SLC28A1: variants seen among roughly 807,000 people sequenced by gnomAD.
SLC28A1 encodes sodium/nucleoside cotransporter 1.
SLC28A1 carries 64 observed loss-of-function variants against 74.8 expected under a neutral mutation model. The observed-to-expected ratio is 0.86, with a 90% CI of 0.70 to 1.05. The LOEUF is 1.05. Ranked by LOEUF, SLC28A1 falls within the 50% of genes least tolerant of loss-of-function variation. SLC28A1 has a pLI of 0.00. For missense variants in SLC28A1, 828 were observed against 822.8 expected, an observed-to-expected ratio of 1.01 and a Z score of -0.08; for synonymous variants, 359 against 335.0, an observed-to-expected ratio of 1.07 and a Z score of -0.78.
intron 6 of SLC28A1, among the ~76,000 whole-genome samples, chr15:84,900,151 T>TA (rs1966503870): frequency 6.6e-6 from 1 of 151,680 alleles, no homozygotes; most frequent in Non-Finnish European, 1.5e-5. Context: ...ACCCTGTCTC[T>TA]AATAAAAATA....
chr15:84,948,693 C>T (rs2079314235), downstream of SLC28A1, among the ~76,000 whole-genome samples: 1 of 152,144 alleles, frequency 6.6e-6, no homozygotes, highest in African/African-American at 2.4e-5. Context: ...CTAACCTAAA[C>T]TAATTGAGAA....
At chr15:84,913,253 G>C (rs967173407) in intron 9 of SLC28A1, among the ~76,000 whole-genome samples, 4 of 152,200 alleles carry the variant, frequency 2.6e-5, no homozygotes, top group African/African-American at 9.7e-5. Flanking sequence ...ACTGTGGCCT[G>C]GGGCTGGTGA....
the SLC28A1 span, among the ~76,000 whole-genome samples, chr15:84,962,182 C>T: frequency 2.0e-5 from 3 of 151,988 alleles, no homozygotes; most frequent in Admixed American, 6.6e-5. Flanking sequence ...TCAGGTGATC[C>T]TCCCGCCTAA....
the SLC28A1 span, among the ~76,000 whole-genome samples, chr15:84,975,182 T>C: frequency 2.6e-5 from 4 of 152,234 alleles, no homozygotes; most frequent in Non-Finnish European, 2.9e-5. Context: ...TGATTTTTGT[T>C]ATTTTATTTC....
At chr15:84,895,436 A>C in intron 6 of SLC28A1, 1 of 1,613,850 alleles carries the variant, frequency 6.2e-7, no homozygotes, top group South Asian at 1.1e-5. Context: ...GATCACCTGG[A>C]CAGTGTGAGA....
Position 84,891,059 on chromosome 15 carries a change from G to T in SLC28A1, c.277+525G>T, listed in dbSNP as rs147370368. Among the ~76,000 whole-genome samples the T allele has an allele frequency of 3.2e-3, 492 of 152,314 alleles. 5 individuals carry two copies. The highest frequency in any genetic ancestry group is 0.011 in the African/African-American group (462 of 41,552). On this transcript the variant is annotated intron_variant, in intron 5 of 18. Transcript: ENST00000394573. ...GAGATAGGAAAGGGCCCAGGATGGG[G>T]AGTGGGTAGGGATATGGGAGGATGC...
chr15:84,892,082 A>G (rs1965430885), intron 5 of SLC28A1, among the ~76,000 whole-genome samples: 1 of 152,050 alleles, frequency 6.6e-6, no homozygotes, highest in South Asian at 2.1e-4. Context: ...CATGCCTGTA[A>G]TCCCAGCACT....
intron 3 of SLC28A1, among the ~76,000 whole-genome samples, chr15:84,888,329 A>G (rs1479114499): frequency 1.3e-5 from 2 of 151,992 alleles, no homozygotes; most frequent in East Asian, 3.9e-4. Context: ...TCCTCTGACA[A>G]AGCCCCCTCC....
At chr15:84,890,873 A>C in intron 5 of SLC28A1, among the ~76,000 whole-genome samples, 1 of 152,154 alleles carries the variant, frequency 6.6e-6, no homozygotes, top group East Asian at 1.9e-4. Context: ...AGCCAGGTGG[A>C]GGTGATAGAT....
chr15:84,918,920 A>C (rs1200003048), intron 10 of SLC28A1, among the ~76,000 whole-genome samples: 7 of 56,618 alleles, frequency 1.2e-4, no homozygotes, highest in Non-Finnish European at 2.4e-4. Context: ...TGGCTCTTAG[A>C]GTTCACACCT....
At chr15:84,900,046 G>C (rs923679329) in intron 6 of SLC28A1, among the ~76,000 whole-genome samples, 12 of 152,068 alleles carry the variant, frequency 7.9e-5, no homozygotes, top group Non-Finnish European at 1.8e-4. Context: ...GCCAGGTGTG[G>C]TAGCTCGTGT....
chr15:84,894,844 C>A lies in SLC28A1; in HGVS notation c.278-96C>A, dbSNP rs1220279573. On this transcript the variant is annotated intron_variant, in intron 5 of 18. Transcript: ENST00000394573. Reference sequence around the variant, plus strand: ...TTGGGTGACTTTCCTGCCCTCCACGCTCTGGGTGGAGTAAGGTGGAGTCCG... The same window carrying A: ...TTGGGTGACTTTCCTGCCCTCCACGATCTGGGTGGAGTAAGGTGGAGTCCG... 22 of 1,245,664 alleles carry A rather than the reference C, an allele frequency of 1.8e-5. No homozygotes were observed. In the Admixed American group the frequency reaches 3.2e-4, roughly 18 times the overall value. The allele number at this position is 1,245,664 out of a possible 1,614,324, so 77.2% of individuals were successfully genotyped here.
chr15:84,898,478 C>G (rs1013083798), intron 6 of SLC28A1, among the ~76,000 whole-genome samples: 1 of 151,374 alleles, frequency 6.6e-6, no homozygotes, highest in Admixed American at 6.6e-5. Context: ...ACTCAGGAAG[C>G]TGAGGCAGGA....
At position 84,935,496 on chromosome 15, in the gene SLC28A1, G is replaced by A. The variant is rs1971774795; in HGVS notation, c.1559G>A (p.Gly520Asp). 5 of 1,613,722 alleles carry A rather than the reference G, an allele frequency of 3.1e-6. No homozygotes were observed. The highest frequency in any genetic ancestry group is 4.2e-6 in the Non-Finnish European group (5 of 1,179,982). Residue 520 changes from glycine to aspartate, a missense_variant, in exon 15 of 19, where the codon GGC (glycine) becomes GAC (aspartate). Physicochemically the swap from Gly to Asp is moderately conservative, Grantham distance 94. Coordinates refer to ENST00000394573, the MANE Select transcript of SLC28A1 (RefSeq NM_004213.5). ...RRLAGAEEWV[G>D]DRKQWISVRA... ...CTGGCAGGGGCCGAGGAGTGGGTCGGCGACAGGAAGCAGTGGATCTCCGTG... is the reference window on the plus strand; with the variant it reads ...CTGGCAGGGGCCGAGGAGTGGGTCGACGACAGGAAGCAGTGGATCTCCGTG...
At chr15:84,895,676 C>G in intron 6 of SLC28A1, 1 of 1,409,796 alleles carries the variant, frequency 7.1e-7, no homozygotes, top group Non-Finnish European at 9.2e-7. Context: ...AGACTTCCCG[C>G]CCAGCCCACC....
the SLC28A1 span, among the ~76,000 whole-genome samples, chr15:84,958,945 C>T: frequency 1.3e-5 from 2 of 151,442 alleles, no homozygotes; most frequent in Admixed American, 1.3e-4. Context: ...ACTAAAAATA[C>T]AAAAATTAGC....
chr15:84,923,137 C>T (rs1292505339), intron 11 of SLC28A1, among the ~76,000 whole-genome samples: 3 of 152,168 alleles, frequency 2.0e-5, no homozygotes, highest in Non-Finnish European at 4.4e-5. Flanking sequence ...AGGGTTTCAC[C>T]ATGTTGGCCA....
chr15:84,966,430 T>G, the SLC28A1 span, among the ~76,000 whole-genome samples: 1 of 152,152 alleles, frequency 6.6e-6, no homozygotes, highest in Admixed American at 6.5e-5. Flanking sequence ...TGCAATGGCA[T>G]GATCACAGGT....
the SLC28A1 span, among the ~76,000 whole-genome samples, chr15:84,965,907 G>GT: frequency 5.3e-5 from 8 of 149,848 alleles, no homozygotes; most frequent in African/African-American, 2.0e-4. Context: ...GCGGGGAGGG[G>GT]GGGGAAATAT....
Sources: allele counts gnomAD v4.1 joint callset (sites outside exome capture counted in the v4.1 genomes callset), GRCh38; gene constraint gnomAD v4.1.1; transcripts MANE v1.5; gene names NCBI Gene and HGNC (gene_info 2026-07-23, HGNC 2026-07-21).